Variants in IFNG-AS1 observed in about 807,000 individuals in gnomAD.
The protein encoded by IFNG-AS1 is IFNG regulatory antisense RNA 1, also known as IFNG antisense RNA 1 (non-protein coding).
chr12:68,010,982 G>A (rs761603470), intron 3 of IFNG-AS1, among the ~76,000 whole-genome samples: 5 of 152,088 alleles, frequency 3.3e-5, no homozygotes, highest in East Asian at 1.9e-4. Context: ...GTATTATCTC[G>A]TTGAATCTTC....
intron 2 of IFNG-AS1, among the ~76,000 whole-genome samples, chr12:68,004,471 G>T (rs568184881): frequency 1.1e-4 from 16 of 152,252 alleles, no homozygotes; most frequent in African/African-American, 3.9e-4. Flanking sequence ...TAATCGTGTG[G>T]TAGCAAGGGA....
intron 2 of IFNG-AS1, chr12:68,001,364 G>C (rs1255294143): frequency 3.1e-5 from 6 of 192,666 alleles, no homozygotes; most frequent in Admixed American, 1.4e-4. Context: ...AGTACAGCAT[G>C]AATCTGAGTG....
intron 3 of IFNG-AS1, among the ~76,000 whole-genome samples, chr12:68,015,974 T>C (rs945422829): frequency 3.3e-5 from 5 of 152,008 alleles, no homozygotes; most frequent in African/African-American, 7.3e-5. Context: ...TTCCCAGAAA[T>C]TGACACAACT....
At chr12:68,016,080 C>G (rs1192687907) in intron 3 of IFNG-AS1, among the ~76,000 whole-genome samples, 1 of 152,032 alleles carries the variant, frequency 6.6e-6, no homozygotes, top group Non-Finnish European at 1.5e-5. Context: ...TATTATGTAC[C>G]TACTGTAGAT....
At chr12:68,016,227 C>G (rs1040872621) in intron 3 of IFNG-AS1, among the ~76,000 whole-genome samples, 2 of 152,222 alleles carry the variant, frequency 1.3e-5, no homozygotes, top group African/African-American at 4.8e-5. Context: ...TCCTCTCTTG[C>G]GATGCATACC....
At chr12:68,003,498 G>A (rs1369233240) in intron 2 of IFNG-AS1, among the ~76,000 whole-genome samples, 1 of 150,280 alleles carries the variant, frequency 6.7e-6, no homozygotes, top group East Asian at 2.0e-4. Context: ...CTGAGAAAGA[G>A]CACATCTTCT....
At chr12:67,993,529 T>C (rs2120412287) in intron 1 of IFNG-AS1, among the ~76,000 whole-genome samples, 1 of 152,330 alleles carries the variant, frequency 6.6e-6, no homozygotes, top group Middle Eastern at 3.4e-3. Context: ...AATCTATTTC[T>C]CATCAATCTA....
chr12:68,004,684 A>G (rs762468073), intron 2 of IFNG-AS1, among the ~76,000 whole-genome samples: 1 of 152,146 alleles, frequency 6.6e-6, no homozygotes, highest in Non-Finnish European at 1.5e-5. Context: ...CTTAACACCA[A>G]TACGTCTGCT....
At chr12:68,003,862 G>A (rs181402484) in intron 2 of IFNG-AS1, among the ~76,000 whole-genome samples, 4 of 148,064 alleles carry the variant, frequency 2.7e-5, no homozygotes, top group East Asian at 2.0e-4. Context: ...AACCGAGATC[G>A]CCCCACTGCA....
chr12:68,016,228 G>A (rs767477880), intron 3 of IFNG-AS1, among the ~76,000 whole-genome samples: 3 of 152,080 alleles, frequency 2.0e-5, no homozygotes, highest in East Asian at 1.9e-4. Flanking sequence ...CCTCTCTTGC[G>A]ATGCATACCG....
intron 2 of IFNG-AS1, chr12:68,001,613 T>C (rs1258300318): frequency 6.5e-6 from 1 of 153,450 alleles, no homozygotes; most frequent in Non-Finnish European, 1.5e-5. Flanking sequence ...CGTCTTGTTT[T>C]ATTTTAATGA....
chr12:67,999,511 C>T, intron 2 of IFNG-AS1, among the ~76,000 whole-genome samples: 1 of 152,026 alleles, frequency 6.6e-6, no homozygotes, highest in East Asian at 1.9e-4. Flanking sequence ...ACACAGAAGC[C>T]AACTTGAAGG....
chr12:68,004,005 A>T (rs1879848635), intron 2 of IFNG-AS1, among the ~76,000 whole-genome samples: 1 of 85,970 alleles, frequency 1.2e-5, no homozygotes, highest in Admixed American at 1.3e-4. Flanking sequence ...ACATTCAAAA[A>T]CAGGACACTT....
chr12:68,009,804 T>C (rs1289486178), intron 3 of IFNG-AS1, among the ~76,000 whole-genome samples: 1 of 152,142 alleles, frequency 6.6e-6, no homozygotes, highest in African/African-American at 2.4e-5. Context: ...CATCATCTCA[T>C]CCAGTGTGTA....
exon 4 of IFNG-AS1, chr12:68,019,890 A>T (rs956320156): frequency 2.0e-5 from 3 of 152,194 alleles, no homozygotes; most frequent in African/African-American, 7.2e-5. Context: ...GCTAACAACC[A>T]GCTGGAGGGT....
chr12:68,004,528 C>T (rs535481522), intron 2 of IFNG-AS1, among the ~76,000 whole-genome samples: 2 of 152,334 alleles, frequency 1.3e-5, no homozygotes, highest in East Asian at 3.9e-4. Flanking sequence ...GCCTGGTCCC[C>T]TCCCAGCTGA....
At chr12:68,014,459 T>C (rs1880101170) in intron 3 of IFNG-AS1, among the ~76,000 whole-genome samples, 1 of 152,182 alleles carries the variant, frequency 6.6e-6, no homozygotes, top group South Asian at 2.1e-4. Flanking sequence ...ACTGGTTTTG[T>C]TTTGTTTTTT....
intron 1 of IFNG-AS1, among the ~76,000 whole-genome samples, chr12:67,992,192 T>C (rs1879533319): frequency 6.6e-6 from 1 of 152,240 alleles, no homozygotes; most frequent in Non-Finnish European, 1.5e-5. Flanking sequence ...CCCTAGATGT[T>C]ATATGAATGG....
Position 68,008,438 on chromosome 12 carries a change from G to T in IFNG-AS1, n.241+2292G>T, listed in dbSNP as rs75142256. Among the ~76,000 whole-genome samples, 734 of 151,470 alleles carry T rather than the reference G, an allele frequency of 4.8e-3. 7 individuals are homozygous for T. Among genetic ancestry groups the T allele is most frequent in the Non-Finnish European group, 7.9e-3 (536 of 67,870 alleles). The stretch of plus-strand genomic sequence containing the variant: ...CTCAAAAAAAAAAAAAATATGTAGA[G>T]ATACATAGTCTTTATCCCAGAGATT... On this transcript the variant is annotated intron_variant and non_coding_transcript_variant, in intron 3 of 5. Coordinates refer to ENST00000536914, the Ensembl canonical transcript of IFNG-AS1.
Sources: allele counts gnomAD v4.1 joint callset (sites outside exome capture counted in the v4.1 genomes callset), GRCh38; gene constraint gnomAD v4.1.1; transcripts MANE v1.5; gene names NCBI Gene and HGNC (gene_info 2026-07-23, HGNC 2026-07-21).